Variants in TTC7B observed in about 807,000 individuals in gnomAD.
TTC7B encodes the protein tetratricopeptide repeat domain 7B, also known as tetratricopeptide repeat protein 7B.
TTC7B carries 28 observed loss-of-function variants against 106.8 expected under a neutral mutation model. The ratio of observed to expected loss-of-function variants is 0.26; its 90% CI spans 0.19 to 0.36. The LOEUF is 0.36. Among genes scored for constraint, TTC7B ranks in the 10% least tolerant of loss-of-function variants. The pLI, the probability that TTC7B is intolerant of heterozygous loss-of-function variation, is 1.00. For synonymous variants in TTC7B, 405 were observed against 430.6 expected (o/e 0.94, Z 0.74); for missense variants, 862 against 1,076.4 (o/e 0.80, Z 2.79).
At position 90,525,424 on chromosome 14, in the gene TTC7B, C is replaced by T. The variant is rs1468574543; in HGVS notation, c.*15944G>A. On this transcript the variant is annotated 3_prime_UTR_variant, in exon 20 of 20. Transcript: ENST00000328459. ...GTATTTGAGGGGACTGCAGGGAGGC[C>T]GGGCTGAGTCAGCGCCACTGCCGCT... 1 of 151,866 alleles carries T rather than the reference C, an allele frequency of 6.6e-6. No individual in the cohort carries two copies. Among genetic ancestry groups the T allele is most frequent in the Non-Finnish European group, 1.5e-5 (1 of 67,996 alleles). The allele number at this position is 151,866 out of a possible 1,614,324, so 9.4% of individuals were successfully genotyped here.
intron 18 of TTC7B, among the ~76,000 whole-genome samples, chr14:90,590,743 T>C (rs1251610326): frequency 9.2e-5 from 14 of 152,240 alleles, no homozygotes; most frequent in Admixed American, 9.2e-4. Flanking sequence ...ACTATGTGAA[T>C]ATATGATACG....
At position 90,634,527 on chromosome 14, in the gene TTC7B, T is replaced by A. The variant is rs561789447; in HGVS notation, c.1751+9521A>T. ...TGGGTCAGGCCTGTAATCCCAGTAT[T>A]GTGGGAGGCTGTGGCGGGTGAATCA... On this transcript the variant is annotated intron_variant, in intron 15 of 19. Transcript: ENST00000328459. 7.2e-5 allele frequency among the ~76,000 whole-genome samples: 11 copies of A among 152,072 alleles called. No homozygotes were observed. The East Asian group carries it at 2.1e-3, about 29-fold the overall frequency.
intron 15 of TTC7B, among the ~76,000 whole-genome samples, chr14:90,623,558 A>G (rs1884304544): frequency 6.6e-6 from 1 of 152,238 alleles, no homozygotes; most frequent in African/African-American, 2.4e-5. Context: ...CTTGCTTACA[A>G]AAAATTTACA....
chr14:90,545,108 G>C (rs899114503), intron 19 of TTC7B, among the ~76,000 whole-genome samples: 3 of 152,146 alleles, frequency 2.0e-5, no homozygotes, highest in African/African-American at 7.2e-5. Flanking sequence ...CTTGCCCCAG[G>C]TCCCAGGGCC....
intron 13 of TTC7B, chr14:90,647,264 G>T: frequency 2.2e-6 from 1 of 460,482 alleles, no homozygotes; most frequent in Non-Finnish European, 4.0e-6. Context: ...CATCTAAAAT[G>T]GCAGCTGAAG....
In TTC7B at chr14:90,663,774, G is replaced by A. The variant is rs1344773351; in HGVS notation, c.1153-5387C>T. Among the ~76,000 whole-genome samples, 3 of 152,188 alleles carry A rather than the reference G, an allele frequency of 2.0e-5. No individual in the cohort carries two copies. The highest frequency in any genetic ancestry group is 4.4e-5 in the Non-Finnish European group (3 of 68,040). ...GGAAATCTGGGTCAATTACAGATTA[G>A]CCCTCCACCCCAATTCAGAGGTGTG... is the stretch of plus-strand genomic sequence containing the variant. On this transcript the variant is annotated intron_variant, in intron 9 of 19. Coordinates refer to ENST00000328459, the MANE Select transcript of TTC7B (RefSeq NM_001010854.2). The surrounding 1 kb of genome is among the most constrained non-coding windows in gnomAD (Gnocchi z 4.5).
chr14:90,777,235 G>A (rs908251365), intron 3 of TTC7B, among the ~76,000 whole-genome samples: 21 of 152,028 alleles, frequency 1.4e-4, no homozygotes, highest in Non-Finnish European at 2.1e-4. Context: ...GCGAGACTCC[G>A]TTTTTTTATT....
intron 9 of TTC7B, among the ~76,000 whole-genome samples, chr14:90,669,470 G>A (rs553461036): frequency 4.1e-4 from 62 of 152,112 alleles, no homozygotes; most frequent in Non-Finnish European, 6.8e-4. Context: ...AAGCCAAGAC[G>A]GGAGGATCAC....
At chr14:90,689,419 A>T in intron 7 of TTC7B, 121 bp downstream of exon 7, 1 of 849,154 alleles carries the variant, frequency 1.2e-6, no homozygotes, top group Non-Finnish European at 1.8e-6. Flanking sequence ...GGAAAATGAC[A>T]CTTGTTCATT....
intron 19 of TTC7B, among the ~76,000 whole-genome samples, chr14:90,573,984 G>C (rs1891155867): frequency 6.6e-6 from 1 of 152,086 alleles, no homozygotes; most frequent in Non-Finnish European, 1.5e-5. Context: ...GCCCTCAAAA[G>C]CCCAGGCTGA....
chr14:90,669,741 C>A (rs569670836), intron 9 of TTC7B, among the ~76,000 whole-genome samples: 2 of 152,168 alleles, frequency 1.3e-5, no homozygotes, highest in Non-Finnish European at 2.9e-5. Flanking sequence ...CACATCACAC[C>A]TACCAGAATG....
chr14:90,689,447 A>G, intron 7 of TTC7B, 93 bp downstream of exon 7: 1 of 1,147,402 alleles, frequency 8.7e-7, no homozygotes, highest in Non-Finnish European at 1.2e-6. Context: ...CTTTTAAGGA[A>G]AAAATCTACT....
At chr14:90,798,422 T>C (rs1448041466) in intron 1 of TTC7B, among the ~76,000 whole-genome samples, 1 of 152,146 alleles carries the variant, frequency 6.6e-6, no homozygotes, top group Non-Finnish European at 1.5e-5. Context: ...AAAGAGGGTA[T>C]ATAGTCACTA....
chr14:90,652,538 A>T (rs558167054), intron 13 of TTC7B, among the ~76,000 whole-genome samples: 3 of 151,798 alleles, frequency 2.0e-5, no homozygotes, highest in South Asian at 4.2e-4. Context: ...AGATGATGAC[A>T]AATGTCTTTA....
intron 19 of TTC7B, among the ~76,000 whole-genome samples, chr14:90,563,070 A>T (rs1890653381): frequency 6.6e-6 from 1 of 152,136 alleles, no homozygotes; most frequent in African/African-American, 2.4e-5. Context: ...ACCAGAGGGG[A>T]GGGACTAGGA....
chr14:90,706,704 G>A (rs779465213), intron 5 of TTC7B, among the ~76,000 whole-genome samples: 4 of 152,124 alleles, frequency 2.6e-5, no homozygotes, highest in South Asian at 2.1e-4. Flanking sequence ...TAGCTTCTTC[G>A]CTATACGGAT....
chr14:90,725,626 C>A (rs1365903830), intron 5 of TTC7B, among the ~76,000 whole-genome samples: 1 of 152,180 alleles, frequency 6.6e-6, no homozygotes, highest in Non-Finnish European at 1.5e-5. Flanking sequence ...CTGAGGGGAG[C>A]CCAAGGTCTG....
At chr14:90,571,067 G>A (rs185031251) in intron 19 of TTC7B, among the ~76,000 whole-genome samples, 102 of 152,226 alleles carry the variant, frequency 6.7e-4, no homozygotes, top group African/African-American at 2.4e-3. Context: ...ACTTACAGGT[G>A]ACCTGGGGCA....
intron 2 of TTC7B, among the ~76,000 whole-genome samples, chr14:90,785,858 G>A (rs905795420): frequency 2.0e-5 from 3 of 152,180 alleles, no homozygotes; most frequent in Admixed American, 1.3e-4. Context: ...CTAGAACTGC[G>A]TAACATGTCA....
Sources: allele counts gnomAD v4.1 joint callset (sites outside exome capture counted in the v4.1 genomes callset), GRCh38; gene constraint gnomAD v4.1.1; non-coding constraint Gnocchi (gnomAD v3.1); transcripts MANE v1.5; gene names NCBI Gene and HGNC (gene_info 2026-07-23, HGNC 2026-07-21).